The following TEX9 variants were observed in gnomAD, a reference collection of about 807,000 sequenced individuals.
TEX9 encodes the protein testis-expressed protein 9.
In TEX9, 74 loss-of-function variants were observed where a neutral mutation model predicts 59.6. The observed-to-expected ratio is 1.24, with a 90% CI of 1.03 to 1.51. The LOEUF (loss-of-function observed/expected upper bound fraction) is 1.51, where lower values mean the gene tolerates loss of function less well. Among genes scored for constraint, TEX9 ranks in the 40% most tolerant of loss-of-function variants. The pLI is 0.00. For missense variants in TEX9, 522 were observed against 447.8 expected (o/e 1.17, Z -1.49); for synonymous variants, 186 against 152.2 (o/e 1.22, Z -1.64).
chr15:56,434,295 T>C (rs773712343), intron 12 of TEX9: 2 of 1,613,810 alleles, frequency 1.2e-6, no homozygotes, highest in African/African-American at 2.7e-5. Flanking sequence ...GTTCTCCTCT[T>C]CCTCTTTTGC....
chr15:56,308,059 T>C (rs770710075), intron 1 of TEX9, among the ~76,000 whole-genome samples: 7 of 152,220 alleles, frequency 4.6e-5, no homozygotes, highest in Non-Finnish European at 1.0e-4. Flanking sequence ...AGTTTGTCCA[T>C]GGACATATTT....
At chr15:56,389,179 A>C (rs1316391437) in intron 5 of TEX9, 139 bp from the exon 6 acceptor site, 10 of 707,814 alleles carry the variant, frequency 1.4e-5, no homozygotes, top group Non-Finnish European at 2.5e-5. Flanking sequence ...GATATTCTTG[A>C]AAACACATTT....
chr15:56,281,012 A>AT (rs1249708043), intron 1 of TEX9, among the ~76,000 whole-genome samples: 45 of 151,702 alleles, frequency 3.0e-4, no homozygotes, highest in Admixed American at 1.2e-3. Flanking sequence ...GTGCTACAGG[A>AT]TTTTTTTTTC....
At chr15:56,332,376 A>G (rs1165323080) in intron 1 of TEX9, among the ~76,000 whole-genome samples, 1 of 151,240 alleles carries the variant, frequency 6.6e-6, no homozygotes, top group Non-Finnish European at 1.5e-5. Flanking sequence ...AGAACAAAAA[A>G]CCAAACACCG....
intron 1 of TEX9, among the ~76,000 whole-genome samples, chr15:56,284,482 T>C (rs1223441936): frequency 6.6e-6 from 1 of 152,080 alleles, no homozygotes; most frequent in Non-Finnish European, 1.5e-5. Context: ...CATGTAAAAA[T>C]GCCTGTGTTA....
At chr15:56,351,790 A>G (rs1321642156) in intron 1 of TEX9, among the ~76,000 whole-genome samples, 2 of 152,220 alleles carry the variant, frequency 1.3e-5, no homozygotes, top group Non-Finnish European at 2.9e-5. Context: ...TGTGAAAGAG[A>G]AAACTTCTTT....
intron 3 of TEX9, among the ~76,000 whole-genome samples, chr15:56,381,868 A>G (rs900151081): frequency 1.3e-5 from 2 of 152,124 alleles, no homozygotes; most frequent in Non-Finnish European, 2.9e-5. Context: ...GCTACCACCT[A>G]TGTTCACTCA....
chr15:56,443,665 C>T, intron 12 of TEX9: 1 of 1,613,110 alleles, frequency 6.2e-7, no homozygotes, highest in Non-Finnish European at 8.5e-7. Flanking sequence ...GCCTTTTCTC[C>T]TCATTTTCTT....
At chr15:56,316,855 C>T (rs537898511) in intron 1 of TEX9, among the ~76,000 whole-genome samples, 3 of 152,316 alleles carry the variant, frequency 2.0e-5, no homozygotes, top group East Asian at 3.9e-4. Context: ...TCTCGTGGTG[C>T]ATCGTTTTTT....
At chr15:56,298,799 G>A (rs1384565862) in intron 1 of TEX9, among the ~76,000 whole-genome samples, 1 of 151,850 alleles carries the variant, frequency 6.6e-6, no homozygotes, top group Non-Finnish European at 1.5e-5. Context: ...TATCTTTCTC[G>A]GTCTTATTTG....
intron 1 of TEX9, among the ~76,000 whole-genome samples, chr15:56,349,313 T>C (rs769964295): frequency 3.3e-5 from 5 of 152,210 alleles, no homozygotes; most frequent in Admixed American, 6.5e-5. Context: ...AATTTATCTC[T>C]TGGGAAACAG....
chr15:56,321,853 A>G (rs1227775046), intron 1 of TEX9, among the ~76,000 whole-genome samples: 5 of 152,130 alleles, frequency 3.3e-5, no homozygotes, highest in Admixed American at 2.6e-4. Flanking sequence ...TGGTTAGAGT[A>G]AAAATACTAG....
intron 3 of TEX9, among the ~76,000 whole-genome samples, chr15:56,383,385 GTGA>G (rs1382677468): frequency 6.6e-6 from 1 of 152,184 alleles, no homozygotes; most frequent in Non-Finnish European, 1.5e-5. Context: ...TTTGGTTCTT[GTGA>G]TGATGTTTTT....
At chr15:56,245,899 C>T (rs2043841405) in intron 1 of TEX9, among the ~76,000 whole-genome samples, 1 of 152,024 alleles carries the variant, frequency 6.6e-6, no homozygotes, top group Admixed American at 6.5e-5. Flanking sequence ...CCCTATATCA[C>T]GTTGAGGAAA....
At chr15:56,331,426 C>A (rs777886909) in intron 1 of TEX9, among the ~76,000 whole-genome samples, 1 of 152,070 alleles carries the variant, frequency 6.6e-6, no homozygotes, top group Non-Finnish European at 1.5e-5. Context: ...ATAAAACATT[C>A]AAAAAAGTTG....
rs1409943939 is a variant in TEX9, at chr15:56,333,348, G to A, written c.-106-40093G>A. On this transcript the variant is annotated intron_variant, in intron 1 of 5. Coordinates refer to the TEX9 transcript ENST00000560827. ...AAGTAGGATTTATCCCAGTGATGGAGGGATGGTTCAACATATGCAAATCAA... is the reference window on the plus strand; with the variant it reads ...AAGTAGGATTTATCCCAGTGATGGAAGGATGGTTCAACATATGCAAATCAA... Among the ~76,000 whole-genome samples, 3 of 151,930 alleles carry A rather than the reference G, an allele frequency of 2.0e-5. No homozygotes were observed. The South Asian group carries it at 6.2e-4, about 32-fold the overall frequency.
chr15:56,303,420 C>T (rs1019891673), intron 1 of TEX9, among the ~76,000 whole-genome samples: 24 of 151,830 alleles, frequency 1.6e-4, no homozygotes, highest in African/African-American at 4.6e-4. Flanking sequence ...TACAGATACA[C>T]GGAAATTATA....
chr15:56,324,180 G>GC (rs1216520161), intron 1 of TEX9, among the ~76,000 whole-genome samples: 1 of 104,452 alleles, frequency 9.6e-6, no homozygotes, highest in African/African-American at 3.0e-5. Flanking sequence ...CTCTGTAATT[G>GC]CAAAAAAAAA....
At chr15:56,446,866 T>G (rs1213219002), downstream of TEX9, 2 of 1,609,492 alleles carry the variant, frequency 1.2e-6, no homozygotes, top group Middle Eastern at 1.7e-4. Context: ...AATGGCATCC[T>G]TTTCAGCAAT....
Sources: allele counts gnomAD v4.1 joint callset (sites outside exome capture counted in the v4.1 genomes callset), GRCh38; gene constraint gnomAD v4.1.1; transcripts MANE v1.5; gene names NCBI Gene and HGNC (gene_info 2026-07-23, HGNC 2026-07-21).